CADM1: variants seen among roughly 807,000 people sequenced by gnomAD.
CADM1 encodes the protein cell adhesion molecule 1.
In CADM1, 15 loss-of-function variants were observed where a neutral mutation model predicts 53.1. The observed-to-expected ratio is 0.28, with a 90% confidence interval of 0.19 to 0.44. CADM1 has a LOEUF of 0.44. Among genes scored for constraint, CADM1 ranks in the 20% least tolerant of loss-of-function variants. The pLI, the probability that CADM1 is intolerant of heterozygous loss-of-function variation, is 1.00. For synonymous variants in CADM1, 281 were observed against 243.0 expected, an observed-to-expected ratio of 1.16 and a Z score of -1.45; for missense variants, 434 against 611.3, an observed-to-expected ratio of 0.71 and a Z score of 3.06.
intron 1 of CADM1, among the ~76,000 whole-genome samples, chr11:115,364,383 T>G (rs1438136747): frequency 6.6e-6 from 1 of 152,200 alleles, no homozygotes; most frequent in African/African-American, 2.4e-5. Context: ...TCCACTCTTT[T>G]AATTTTCCTT....
chr11:115,189,947 C>T (rs1161546190), intron 10 of CADM1, among the ~76,000 whole-genome samples: 3 of 152,168 alleles, frequency 2.0e-5, no homozygotes, highest in African/African-American at 7.2e-5. Context: ...TCGAGTAGTA[C>T]TATCTTATTC....
chr11:115,423,433 A>G (rs1947810721), intron 1 of CADM1, among the ~76,000 whole-genome samples: 1 of 152,190 alleles, frequency 6.6e-6, no homozygotes, highest in Non-Finnish European at 1.5e-5. Flanking sequence ...AAAACCCAGA[A>G]CTAACTTTCT....
At position 115,198,524 on chromosome 11, in the gene CADM1, C is replaced by A; in HGVS notation, c.1079-86G>T. On this transcript the variant is annotated intron_variant, in intron 8 of 11. Coordinates refer to ENST00000331581, the MANE Select transcript of CADM1 (RefSeq NM_001301043.2). ...AAGGGAAAATGGAAAAAAAATGGAACAGATAATATATGAGCAAGCTTTCAA... is the reference window on the plus strand; with the variant it reads ...AAGGGAAAATGGAAAAAAAATGGAAAAGATAATATATGAGCAAGCTTTCAA... 15 of 973,612 alleles carry A rather than the reference C, an allele frequency of 1.5e-5. No individual in the cohort carries two copies. The South Asian group carries it at 1.9e-4, about 12-fold the overall frequency. The allele number at this position is 973,612 out of a possible 1,614,324, so 60.3% of individuals were successfully genotyped here.
At chr11:115,435,707 G>A (rs188019778) in intron 1 of CADM1, among the ~76,000 whole-genome samples, 6 of 152,128 alleles carry the variant, frequency 3.9e-5, no homozygotes, top group African/African-American at 1.4e-4. Flanking sequence ...CTCTAGCCTG[G>A]GCCATAGAGT....
At chr11:115,388,861 T>C (rs1946764936) in intron 1 of CADM1, among the ~76,000 whole-genome samples, 1 of 152,054 alleles carries the variant, frequency 6.6e-6, no homozygotes, top group South Asian at 2.1e-4. Flanking sequence ...TCTTGCACTG[T>C]AGGGAGGAAA....
chr11:115,225,574 C>T (rs1281711407), intron 5 of CADM1, among the ~76,000 whole-genome samples: 2 of 152,116 alleles, frequency 1.3e-5, no homozygotes, highest in Non-Finnish European at 2.9e-5. Context: ...TCCTAACAAA[C>T]AAACACTGCA....
intron 8 of CADM1, among the ~76,000 whole-genome samples, chr11:115,202,510 T>G (rs985641446): frequency 6.6e-6 from 1 of 152,176 alleles, no homozygotes; most frequent in East Asian, 1.9e-4. Context: ...TAGGGTGTGT[T>G]TGAGTAAGGT....
intron 1 of CADM1, among the ~76,000 whole-genome samples, chr11:115,272,213 T>C (rs1213825420): frequency 1.3e-5 from 2 of 152,184 alleles, no homozygotes; most frequent in African/African-American, 2.4e-5. Context: ...GTTTTAATTG[T>C]GGTCAATGCA....
rs1491508599 is a variant in CADM1, at chr11:115,254,593, C to CACACACACAGAG, written c.125-14174_125-14173insCTCTGTGTGTGT. 2.1e-3 allele frequency among the ~76,000 whole-genome samples: 289 copies of CACACACACAGAG among 136,386 alleles called. 5 individuals carry two copies. The highest frequency in any genetic ancestry group is 7.6e-3 in the African/African-American group (262 of 34,364). 89.5% of individuals were successfully genotyped at this position (136,386 alleles called of 152,430 possible). A position where few individuals can be genotyped will look rare whatever the true frequency, so the allele number is the denominator to read the frequency against. ...ACACACACACACACACACACACACA[C>CACACACACAGAG]AGAGACAACAAACGCATACTTGTAA... On this transcript the variant is annotated intron_variant, in intron 1 of 11. Transcript: ENST00000331581.
At chr11:115,285,879 T>C (rs752254880) in intron 1 of CADM1, among the ~76,000 whole-genome samples, 7 of 152,144 alleles carry the variant, frequency 4.6e-5, no homozygotes, top group Admixed American at 6.5e-5. Context: ...GCCTGAAACC[T>C]TGGCACTCAA....
At chr11:115,482,253 T>C (rs1049077272) in intron 1 of CADM1, among the ~76,000 whole-genome samples, 4 of 152,220 alleles carry the variant, frequency 2.6e-5, no homozygotes, top group African/African-American at 7.2e-5. Flanking sequence ...GACATTCCTC[T>C]TCTATGCTTC....
At chr11:115,416,289 C>A (rs1344860743) in intron 1 of CADM1, among the ~76,000 whole-genome samples, 1 of 152,170 alleles carries the variant, frequency 6.6e-6, no homozygotes, top group Non-Finnish European at 1.5e-5. Context: ...CAATTGTCCG[C>A]TGCTTTCTTA....
In CADM1 at chr11:115,353,944, C is replaced by A. The variant is rs190593609; in HGVS notation, c.125-113524G>T. On this transcript the variant is annotated intron_variant, in intron 1 of 11. Coordinates refer to ENST00000331581, the MANE Select transcript of CADM1 (RefSeq NM_001301043.2). ...AAGATAAGGCTAAAAAACTAGGCTA[C>A]GGCCAGACTGTGAACCGAAGCAGTG... Among the ~76,000 whole-genome samples, 225 of 152,250 alleles carry A rather than the reference C, an allele frequency of 1.5e-3. 1 individual carries two copies. The highest frequency in any genetic ancestry group is 5.3e-3 in the African/African-American group (219 of 41,546).
At chr11:115,328,702 G>GTATATACATATATACGCGTATA (rs1555066957) in intron 1 of CADM1, among the ~76,000 whole-genome samples, 1 of 10,130 alleles carries the variant, frequency 9.9e-5, no homozygotes, top group African/African-American at 2.9e-4. Context: ...GTATATATAT[G>GTATATACATATATACGCGTATA]TATATATATA....
chr11:115,310,829 C>T (rs1028905676), intron 1 of CADM1, among the ~76,000 whole-genome samples: 9 of 152,116 alleles, frequency 5.9e-5, no homozygotes, highest in African/African-American at 1.7e-4. Context: ...TGCTTAAATA[C>T]ATTTCAGTGT....
At chr11:115,307,221 A>G (rs1024453175) in intron 1 of CADM1, among the ~76,000 whole-genome samples, 4 of 152,002 alleles carry the variant, frequency 2.6e-5, no homozygotes, top group Non-Finnish European at 5.9e-5. Flanking sequence ...ACCCATTTAA[A>G]AGTAAGTGTT....
intron 1 of CADM1, among the ~76,000 whole-genome samples, chr11:115,340,862 A>G (rs1049091559): frequency 1.3e-5 from 2 of 150,546 alleles, no homozygotes; most frequent in Admixed American, 1.3e-4. Context: ...GGGTTTCTCA[A>G]TGTTGGCCAG....
chr11:115,401,918 CTTTT>C (rs1470352032), intron 1 of CADM1, among the ~76,000 whole-genome samples: 1 of 151,904 alleles, frequency 6.6e-6, no homozygotes, highest in Non-Finnish European at 1.5e-5. Context: ...TCTGTACCTT[CTTTT>C]TAATTTTGCT....
At chr11:115,240,666 G>A in intron 1 of CADM1, 1 of 533,912 alleles carries the variant, frequency 1.9e-6, no homozygotes. Flanking sequence ...AAAGGTTTCA[G>A]CCTCTAGTAC....
Sources: allele counts gnomAD v4.1 joint callset (sites outside exome capture counted in the v4.1 genomes callset), GRCh38; gene constraint gnomAD v4.1.1; transcripts MANE v1.5; gene names NCBI Gene and HGNC (gene_info 2026-07-23, HGNC 2026-07-21).